Variants in PRELID2 observed in about 807,000 individuals in gnomAD.
PRELID2 encodes the protein PRELI domain containing 2, also known as PRELI domain-containing protein 2.
In PRELID2, 25 loss-of-function variants were observed where a neutral mutation model predicts 28.4. That is an observed-to-expected ratio of 0.88 (90% CI 0.64 to 1.23). The LOEUF is 1.23. PRELID2 is among the 50% of genes most tolerant of loss of function. The pLI is 0.00. For synonymous variants in PRELID2, 76 were observed against 71.6 expected (o/e 1.06, Z -0.31); for missense variants, 201 against 214.4 (o/e 0.94, Z 0.39).
chr5:145,636,983 G>A (rs184748931), intron 1 of PRELID2, among the ~76,000 whole-genome samples: 1 of 152,158 alleles, frequency 6.6e-6, no homozygotes, highest in East Asian at 1.9e-4. Context: ...GAAAGATGAA[G>A]TGAACTGCTC....
intron 2 of PRELID2, among the ~76,000 whole-genome samples, chr5:145,820,935 C>T (rs1224492808): frequency 1.3e-5 from 2 of 152,154 alleles, no homozygotes; most frequent in South Asian, 2.1e-4. Context: ...TCTGACCTTT[C>T]GACTTGGGGT....
intron 1 of PRELID2, among the ~76,000 whole-genome samples, chr5:145,588,052 G>A (rs1054214893): frequency 3.9e-5 from 6 of 152,066 alleles, no homozygotes; most frequent in African/African-American, 1.4e-4. Flanking sequence ...GAAGCAAGAG[G>A]AAAATTCCAT....
At chr5:145,475,438 T>C (rs1030270615) in intron 1 of PRELID2, among the ~76,000 whole-genome samples, 1 of 152,198 alleles carries the variant, frequency 6.6e-6, no homozygotes, top group Non-Finnish European at 1.5e-5. Flanking sequence ...GATCTGAGCT[T>C]CTCTTTCAGT....
chr5:145,734,078 A>G (rs1403056960), intron 1 of PRELID2, among the ~76,000 whole-genome samples: 1 of 152,200 alleles, frequency 6.6e-6, no homozygotes, highest in Non-Finnish European at 1.5e-5. Flanking sequence ...TCTCTCCCTT[A>G]GAGCTTCTGG....
At chr5:145,591,672 A>C (rs1442954789) in intron 1 of PRELID2, among the ~76,000 whole-genome samples, 1 of 152,132 alleles carries the variant, frequency 6.6e-6, no homozygotes, top group Non-Finnish European at 1.5e-5. Context: ...TCCCACACTA[A>C]ATCAAAGCTG....
intron 1 of PRELID2, among the ~76,000 whole-genome samples, chr5:145,573,455 C>A (rs1004406685): frequency 1.3e-5 from 2 of 151,986 alleles, no homozygotes; most frequent in Non-Finnish European, 2.9e-5. Context: ...ACCTTTTAAG[C>A]CCCACATGCA....
chr5:145,695,006 G>C (rs1422630775), intron 1 of PRELID2, among the ~76,000 whole-genome samples: 1 of 152,170 alleles, frequency 6.6e-6, no homozygotes, highest in African/African-American at 2.4e-5. Context: ...GAACATGTCA[G>C]GTCCTCGGCT....
chr5:145,470,937 C>T (rs1162914691), downstream of PRELID2, among the ~76,000 whole-genome samples: 1 of 152,032 alleles, frequency 6.6e-6, no homozygotes. Context: ...CAAATCCTCA[C>T]ACCTTCTATG....
At chr5:145,792,410 CT>C (rs1240884799) in intron 5 of PRELID2, among the ~76,000 whole-genome samples, 1 of 152,176 alleles carries the variant, frequency 6.6e-6, no homozygotes, top group Non-Finnish European at 1.5e-5. Flanking sequence ...CTTGCAAGCA[CT>C]AGCTGTTATT....
At chr5:145,565,795 C>T (rs1422650) in intron 1 of PRELID2, among the ~76,000 whole-genome samples, 8 of 152,222 alleles carry the variant, frequency 5.3e-5, no homozygotes, top group African/African-American at 1.9e-4. Context: ...AGATGGACAG[C>T]CATTCTCCAA....
At chr5:145,422,403 G>C in the PRELID2 span, among the ~76,000 whole-genome samples, 11 of 152,300 alleles carry the variant, frequency 7.2e-5, no homozygotes, top group South Asian at 2.3e-3. Flanking sequence ...CTTGCTTTGT[G>C]AATCTTGGTG....
chr5:145,435,302 A>G, the PRELID2 span, among the ~76,000 whole-genome samples: 8 of 152,268 alleles, frequency 5.3e-5, no homozygotes, highest in East Asian at 1.5e-3. Context: ...GTGACACTTG[A>G]GCTGACTCAT....
chr5:145,326,666 A>G, the PRELID2 span, among the ~76,000 whole-genome samples: 10 of 152,178 alleles, frequency 6.6e-5, no homozygotes, highest in Admixed American at 4.6e-4. Flanking sequence ...ATCAAAATTA[A>G]TTAATAGGGA....
chr5:145,416,010 T>C, the PRELID2 span, among the ~76,000 whole-genome samples: 23 of 152,246 alleles, frequency 1.5e-4, no homozygotes, highest in Middle Eastern at 6.8e-3. Flanking sequence ...GTGGTTTTGA[T>C]TTGCATTTCT....
chr5:145,286,999 C>T, the PRELID2 span, among the ~76,000 whole-genome samples: 2 of 152,146 alleles, frequency 1.3e-5, no homozygotes, highest in East Asian at 1.9e-4. Context: ...CGTGAGCCAC[C>T]GCGCCTGGCC....
rs1033268457 is a variant in PRELID2 at position 145,760,392 on chromosome 5, T to G, written c.*144A>C. The G allele has an allele frequency of 1.3e-5, 2 of 152,084 alleles. No homozygotes were observed. 9.4% of individuals were successfully genotyped at this position (152,084 alleles called of 1,614,324 possible). ...ATTTTATGTCCTGGCAAGAAGGTCT[T>G]CTCTTCTTGAAGCTGCCAACACTGT... is the stretch of plus-strand genomic sequence containing the variant. On this transcript the variant is annotated 3_prime_UTR_variant, in exon 7 of 7. Transcript: ENST00000683046.
the PRELID2 span, among the ~76,000 whole-genome samples, chr5:145,353,462 CAA>C: frequency 2.1e-5 from 3 of 141,462 alleles, no homozygotes; most frequent in South Asian, 6.7e-4. Context: ...GAATCCATCT[CAA>C]AAAAAAAAGA....
chr5:145,832,145 A>G (rs1200422358), intron 1 of PRELID2, among the ~76,000 whole-genome samples: 4 of 152,200 alleles, frequency 2.6e-5, no homozygotes, highest in African/African-American at 7.2e-5. Flanking sequence ...ACTGTGAACA[A>G]AAGAAAACAC....
At chr5:145,240,306 G>A in the PRELID2 span, among the ~76,000 whole-genome samples, 1 of 151,808 alleles carries the variant, frequency 6.6e-6, no homozygotes, top group Non-Finnish European at 1.5e-5. Flanking sequence ...AATAAGCAAA[G>A]TTTTTAAAAC....
Sources: gnomAD v4.1 joint callset for allele counts (sites outside exome capture counted in the v4.1 genomes callset) on GRCh38, gnomAD v4.1.1 for gene constraint, MANE v1.5 for transcripts, NCBI Gene and HGNC (gene_info 2026-07-23, HGNC 2026-07-21) for gene names.